Variants in WDR3 observed in about 807,000 individuals in gnomAD.
WDR3 encodes WD repeat domain 3.
A neutral mutation model predicts 123.7 loss-of-function variants in WDR3; 81 were observed. The ratio of observed to expected loss-of-function variants is 0.65; its 90% CI spans 0.55 to 0.79. The LOEUF (loss-of-function observed/expected upper bound fraction) is 0.79. Ranked by LOEUF, WDR3 falls within the 30% of genes least tolerant of loss-of-function variation. The pLI is 0.00. For missense variants in WDR3, 1,027 were observed against 1,123.2 expected (o/e 0.91, Z 1.22); for synonymous variants, 390 against 388.8 (o/e 1.00, Z -0.04).
intron 1 of WDR3, among the ~76,000 whole-genome samples, chr1:117,931,561 T>G (rs1321664): frequency 6.6e-6 from 1 of 152,146 alleles, no homozygotes. Flanking sequence ...AGATGTTCAG[T>G]AAATATTGGA....
In WDR3 at chr1:117,966,074, A is replaced by G. The variant is rs1315495764; in HGVS notation, c.*6627A>G. 1 of 152,254 alleles carries G rather than the reference A, an allele frequency of 6.6e-6. No homozygotes were observed. Among genetic ancestry groups the G allele is most frequent in the Non-Finnish European group, 1.5e-5 (1 of 68,054 alleles). 9.4% of individuals were successfully genotyped at this position (152,254 alleles called of 1,614,324 possible). ...CTGGAGAAAGTACAAAATAGAAATA[A>G]AATGTGAAGACTTTATTTCTGCTAC... is the stretch of plus-strand genomic sequence containing the variant. On this transcript the variant is annotated 3_prime_UTR_variant, in exon 27 of 27. Coordinates refer to ENST00000349139, the MANE Select transcript of WDR3 (RefSeq NM_006784.3).
intron 4 of WDR3, 129 bp from the exon 5 acceptor site, chr1:117,938,351 A>G: frequency 1.5e-6 from 1 of 645,838 alleles, no homozygotes; most frequent in Non-Finnish European, 2.6e-6. Context: ...AAGATCAGAG[A>G]GAATCGGAGC....
rs1448050600 is a variant in WDR3, at chr1:117,960,609, A to C, written c.*1162A>C. On this transcript the variant is annotated 3_prime_UTR_variant, in exon 27 of 27. Coordinates refer to ENST00000349139, the MANE Select transcript of WDR3 (RefSeq NM_006784.3). ...TACTGGGGCGATGAGTTGTTCATGCACAGGTGATTAGTGTCACAGCATTTT... is the reference window on the plus strand; with the variant it reads ...TACTGGGGCGATGAGTTGTTCATGCCCAGGTGATTAGTGTCACAGCATTTT... 4.6e-5 allele frequency: 7 copies of C among 152,206 alleles called. No homozygotes were observed. The highest frequency in any genetic ancestry group is 1.7e-4 in the African/African-American group (7 of 41,456). 9.4% of individuals were successfully genotyped at this position (152,206 alleles called of 1,614,324 possible).
Position 117,934,610 on chromosome 1 carries a change from C to T in WDR3, c.309C>T (p.Phe103=). Residue 103 remains phenylalanine, a synonymous_variant, in exon 3 of 27, where the codon TTC becomes TTT. Coordinates refer to ENST00000349139, the MANE Select transcript of WDR3 (RefSeq NM_006784.3). ...TGAGTGGGGAAGGAAATGTGACCTTCAATGGTCACAAAGCAGCTATCACTA... is the reference window on the plus strand; with the variant it reads ...TGAGTGGGGAAGGAAATGTGACCTTTAATGGTCACAAAGCAGCTATCACTA... ...SLLSGEGNVT[F]NGHKAAITTL... 3 of 1,614,096 alleles carry T rather than the reference C, an allele frequency of 1.9e-6. No homozygotes were observed. Among genetic ancestry groups the T allele is most frequent in the African/African-American group, 2.7e-5 (2 of 75,038 alleles).
intron 12 of WDR3, among the ~76,000 whole-genome samples, chr1:117,946,907 C>G (rs1365776357): frequency 7.0e-6 from 1 of 143,106 alleles, no homozygotes; most frequent in Non-Finnish European, 1.5e-5. Flanking sequence ...TACCACTGCA[C>G]TCCAGCCTGG....
intron 13 of WDR3, among the ~76,000 whole-genome samples, chr1:117,948,829 T>C (rs1651502080): frequency 6.6e-6 from 1 of 152,160 alleles, no homozygotes; most frequent in African/African-American, 2.4e-5. Context: ...TCCCCTTTTT[T>C]CCTCAAACAA....
At chr1:117,947,577 C>T (rs1280574958) in intron 12 of WDR3, among the ~76,000 whole-genome samples, 1 of 152,150 alleles carries the variant, frequency 6.6e-6, no homozygotes, top group Non-Finnish European at 1.5e-5. Context: ...ATGCAATTGT[C>T]GGCTTACTGG....
intron 25 of WDR3, among the ~76,000 whole-genome samples, 162 bp from the exon 26 acceptor site, chr1:117,958,748 G>A (rs1245446457): frequency 6.7e-6 from 1 of 148,444 alleles, no homozygotes; most frequent in Non-Finnish European, 1.5e-5. Context: ...CTGAATAGTA[G>A]AGAAAGAAAC....
At chr1:117,936,702 G>A in intron 3 of WDR3, 67 bp from the exon 4 acceptor site, 1 of 1,247,892 alleles carries the variant, frequency 8.0e-7, no homozygotes, top group Non-Finnish European at 1.1e-6. Flanking sequence ...AAGTCTCATT[G>A]TTTGTCAAGT....
chr1:117,964,502 CTTTGGCTAGTTT>C lies in WDR3; in HGVS notation c.*5056_*5067del, dbSNP rs1653559032. The C allele has an allele frequency of 6.6e-6, 1 of 152,016 alleles. No homozygotes were observed. Among genetic ancestry groups the C allele is most frequent in the African/African-American group, 2.4e-5 (1 of 41,382 alleles). The allele number at this position is 152,016 out of a possible 1,614,324, so 9.4% of individuals were successfully genotyped here. ...TAGTTACCAGAGGAAAAAACTAGTT[CTTTGGCTAGTTT>C]CCTTCTGTCACAATGGAAAAACCCT... On this transcript the variant is annotated 3_prime_UTR_variant, in exon 27 of 27. Coordinates refer to ENST00000349139, the MANE Select transcript of WDR3 (RefSeq NM_006784.3).
chr1:117,939,579 A>C lies in WDR3; in HGVS notation c.675+7A>C. ...CATAGCTTATCTGCAAGAGGTAATTACTTCTTAAAATCATGGGCAATATGT... is the reference window on the plus strand; with the variant it reads ...CATAGCTTATCTGCAAGAGGTAATTCCTTCTTAAAATCATGGGCAATATGT... On this transcript the variant is annotated splice_region_variant and intron_variant, in intron 6 of 26. Transcript: ENST00000349139. The C allele has an allele frequency of 1.9e-6, 3 of 1,613,070 alleles. No individual in the cohort carries two copies. The highest frequency in any genetic ancestry group is 2.5e-6 in the Non-Finnish European group (3 of 1,179,132).
chr1:117,946,866 G>C (rs192729309), intron 12 of WDR3, among the ~76,000 whole-genome samples: 1 of 151,038 alleles, frequency 6.6e-6, no homozygotes, highest in African/African-American at 2.4e-5. Flanking sequence ...GCGTGAACCC[G>C]GGAGGTGGAG....
intron 20 of WDR3, 66 bp downstream of exon 20, chr1:117,953,062 A>G: frequency 6.5e-7 from 1 of 1,537,514 alleles, no homozygotes; most frequent in Non-Finnish European, 8.9e-7. Flanking sequence ...AATTGACTAT[A>G]ATGTCCAGAA....
At chr1:117,932,065 G>A (rs116172948) in intron 1 of WDR3, among the ~76,000 whole-genome samples, 2,824 of 152,222 alleles carry the variant, frequency 0.019, 80 homozygotes, top group African/African-American at 0.065. Context: ...AAGTTGCATG[G>A]GTGTTTTTTG....
At chr1:117,947,313 G>A (rs937220620) in intron 12 of WDR3, among the ~76,000 whole-genome samples, 1 of 152,172 alleles carries the variant, frequency 6.6e-6, no homozygotes, top group Non-Finnish European at 1.5e-5. Context: ...TGCTTTGCAA[G>A]TATTTGTCAT....
chr1:117,938,449 C>G, intron 4 of WDR3, 31 bp from the exon 5 acceptor site: 2 of 1,577,060 alleles, frequency 1.3e-6, no homozygotes, highest in Non-Finnish European at 1.7e-6. Context: ...CCTAAACAGG[C>G]TATATATTTT....
chr1:117,930,202 C>T (rs542504303), intron 1 of WDR3, among the ~76,000 whole-genome samples: 1 of 152,162 alleles, frequency 6.6e-6, no homozygotes, highest in African/African-American at 2.4e-5. Flanking sequence ...CATGGGGTCT[C>T]GGAAGAAGGT....
chr1:117,939,392 G>A lies in WDR3; in HGVS notation c.580-85G>A, dbSNP rs75472846. 17,002 of 1,363,688 alleles carry A rather than the reference G, an allele frequency of 0.012. 121 individuals carry two copies. The highest frequency in any genetic ancestry group is 0.015 in the Non-Finnish European group (14,821 of 961,690). The allele number at this position is 1,363,688 out of a possible 1,614,324, so 84.5% of individuals were successfully genotyped here. The stretch of plus-strand genomic sequence containing the variant: ...TTTAAATTGCTAGACATTTTACTAC[G>A]GTGTAACAGACTTTTGGAATGTCAT... On this transcript the variant is annotated intron_variant, in intron 5 of 26. Coordinates refer to ENST00000349139, the MANE Select transcript of WDR3 (RefSeq NM_006784.3).
At position 117,962,046 on chromosome 1, in the gene WDR3, G is replaced by A. The variant is rs994824958; in HGVS notation, c.*2599G>A. The A allele has an allele frequency of 6.6e-6, 1 of 151,086 alleles. No homozygotes were observed. The highest frequency in any genetic ancestry group is 2.4e-5 in the African/African-American group (1 of 40,996). 9.4% of individuals were successfully genotyped at this position (151,086 alleles called of 1,614,324 possible). ...CAAAACAAGTTCCAGGAGGGCATTCGAGATGTATACATCATCAATAATTAC... is the reference window on the plus strand; with the variant it reads ...CAAAACAAGTTCCAGGAGGGCATTCAAGATGTATACATCATCAATAATTAC... On this transcript the variant is annotated 3_prime_UTR_variant, in exon 27 of 27. Coordinates refer to ENST00000349139, the MANE Select transcript of WDR3 (RefSeq NM_006784.3).
Sources: allele counts gnomAD v4.1 joint callset (sites outside exome capture counted in the v4.1 genomes callset), GRCh38; gene constraint gnomAD v4.1.1; transcripts MANE v1.5; gene names NCBI Gene and HGNC (gene_info 2026-07-23, HGNC 2026-07-21).